PRR16: variants seen among roughly 807,000 people sequenced by gnomAD.
PRR16 encodes the protein protein Largen.
A neutral mutation model predicts 18.2 loss-of-function variants in PRR16; 6 were observed. The observed-to-expected ratio is 0.33, with a 90% CI of 0.18 to 0.65. The LOEUF is 0.65. PRR16 is among the 30% of genes least tolerant of loss of function. The pLI, the probability that PRR16 is intolerant of heterozygous loss-of-function variation, is 0.74. For missense variants in PRR16, 412 were observed against 376.6 expected (o/e 1.09, Z -0.78); for synonymous variants, 151 against 147.8 (o/e 1.02, Z -0.16).
chr5:120,707,937 C>T, the PRR16 span, among the ~76,000 whole-genome samples: 1 of 152,148 alleles, frequency 6.6e-6, no homozygotes, highest in South Asian at 2.1e-4. Context: ...AAACCAATGG[C>T]CTGGTGAGAG....
intron 1 of PRR16, among the ~76,000 whole-genome samples, chr5:120,507,053 A>G (rs1671589618): frequency 6.6e-6 from 1 of 152,136 alleles, no homozygotes; most frequent in East Asian, 1.9e-4. Context: ...TGGTAATACC[A>G]GGCTAAAGAA....
chr5:120,707,023 G>C, the PRR16 span, among the ~76,000 whole-genome samples: 1 of 152,136 alleles, frequency 6.6e-6, no homozygotes, highest in East Asian at 1.9e-4. Flanking sequence ...AGATTGAGAA[G>C]ATCTTCCTAG....
intron 1 of PRR16, among the ~76,000 whole-genome samples, chr5:120,532,388 C>A (rs1282031786): frequency 6.6e-6 from 1 of 151,760 alleles, no homozygotes; most frequent in Non-Finnish European, 1.5e-5. Flanking sequence ...TATGGGCTAG[C>A]TTTTATCAAG....
the PRR16 span, among the ~76,000 whole-genome samples, chr5:120,693,359 A>G: frequency 6.6e-6 from 1 of 152,330 alleles, no homozygotes; most frequent in African/African-American, 2.4e-5. Flanking sequence ...CTCCATTACA[A>G]TGTAATAAAC....
chr5:120,705,621 T>G, the PRR16 span, among the ~76,000 whole-genome samples: 148,837 of 152,092 alleles, frequency 0.98, 72,916 homozygotes, highest in East Asian at 1. Flanking sequence ...TGTTTTTGTG[T>G]TCTTTAGCTA....
chr5:120,678,013 C>A (rs187144090), intron 1 of PRR16, among the ~76,000 whole-genome samples: 548 of 150,116 alleles, frequency 3.7e-3, no homozygotes, highest in Non-Finnish European at 6.3e-3. Flanking sequence ...GGGTTCACGC[C>A]ATTCTCCTGC....
chr5:120,575,877 C>T (rs1463255424), intron 1 of PRR16, among the ~76,000 whole-genome samples: 1 of 152,116 alleles, frequency 6.6e-6, no homozygotes, highest in East Asian at 1.9e-4. Flanking sequence ...TTTGTAAACA[C>T]ATCTATAGCC....
At chr5:120,774,398 A>C in the PRR16 span, among the ~76,000 whole-genome samples, 1 of 152,152 alleles carries the variant, frequency 6.6e-6, no homozygotes, top group Non-Finnish European at 1.5e-5. Context: ...GAAAAATAAT[A>C]CCTAACTTGA....
At chr5:120,533,255 G>T (rs1462327569) in intron 1 of PRR16, among the ~76,000 whole-genome samples, 2 of 152,268 alleles carry the variant, frequency 1.3e-5, no homozygotes, top group East Asian at 3.9e-4. Flanking sequence ...TCTTCCACAA[G>T]AAATATTTAT....
chr5:120,745,234 C>G, the PRR16 span, among the ~76,000 whole-genome samples: 1 of 152,056 alleles, frequency 6.6e-6, no homozygotes, highest in Non-Finnish European at 1.5e-5. Flanking sequence ...TTATTCTTCT[C>G]TATATTTGTT....
chr5:120,511,061 G>A (rs1210851756), intron 1 of PRR16, among the ~76,000 whole-genome samples: 1 of 152,054 alleles, frequency 6.6e-6, no homozygotes, highest in East Asian at 1.9e-4. Context: ...ATACACAAGC[G>A]CCCAGAAACT....
the PRR16 span, among the ~76,000 whole-genome samples, chr5:120,707,269 A>T: frequency 1.3e-5 from 2 of 152,290 alleles, 1 homozygote; most frequent in South Asian, 4.1e-4. Flanking sequence ...CTAGTCTCCC[A>T]GCTATTACAT....
At chr5:120,620,191 A>G (rs969655761) in intron 1 of PRR16, among the ~76,000 whole-genome samples, 2 of 152,188 alleles carry the variant, frequency 1.3e-5, no homozygotes, top group Non-Finnish European at 2.9e-5. Context: ...AGATTGTGGA[A>G]TTCCATAATA....
intron 1 of PRR16, among the ~76,000 whole-genome samples, chr5:120,500,896 T>C (rs1345409883): frequency 1.3e-5 from 2 of 152,098 alleles, no homozygotes; most frequent in African/African-American, 4.8e-5. Flanking sequence ...TTTCTTTTTT[T>C]ATCTTATAAA....
chr5:120,554,203 A>T (rs1224095320), intron 1 of PRR16, among the ~76,000 whole-genome samples: 1 of 151,810 alleles, frequency 6.6e-6, no homozygotes, highest in Non-Finnish European at 1.5e-5. Flanking sequence ...CCTTGGGAGG[A>T]TATTTGCCAA....
intron 1 of PRR16, among the ~76,000 whole-genome samples, chr5:120,650,662 C>G (rs11241560): frequency 0.53 from 79,800 of 151,632 alleles, 21,657 homozygotes; most frequent in East Asian, 0.91. Flanking sequence ...ATGAACTCAT[C>G]ATTTTTATGG....
At chr5:120,477,852 C>T (rs144635957) in intron 1 of PRR16, among the ~76,000 whole-genome samples, 1,607 of 152,266 alleles carry the variant, frequency 0.011, 14 homozygotes, top group Middle Eastern at 0.017. Context: ...CATTTTCACG[C>T]CTATATCCCC....
chr5:120,766,104 T>G, the PRR16 span, among the ~76,000 whole-genome samples: 3 of 152,040 alleles, frequency 2.0e-5, no homozygotes, highest in Non-Finnish European at 2.9e-5. Flanking sequence ...AAGCTATCTA[T>G]CTAGGTATTA....
chr5:120,676,880 C>T (rs920889620), intron 1 of PRR16, among the ~76,000 whole-genome samples: 3 of 152,106 alleles, frequency 2.0e-5, no homozygotes, highest in Non-Finnish European at 4.4e-5. Flanking sequence ...TGGACATTTT[C>T]AGAAGTCAAA....
Sources: allele counts gnomAD v4.1 joint callset (sites outside exome capture counted in the v4.1 genomes callset), GRCh38; gene constraint gnomAD v4.1.1; transcripts MANE v1.5; gene names NCBI Gene and HGNC (gene_info 2026-07-23, HGNC 2026-07-21).